Variants in TUBGCP4 observed in about 807,000 individuals in gnomAD.
TUBGCP4 encodes the protein tubulin gamma complex component 4, also known as gamma-tubulin complex component 4.
TUBGCP4 carries 54 observed loss-of-function variants against 91.6 expected under a neutral mutation model. The ratio of observed to expected loss-of-function variants is 0.59; its 90% CI spans 0.47 to 0.74. The LOEUF is 0.74. TUBGCP4 is among the 30% of genes least tolerant of loss of function. The probability of loss-of-function intolerance (pLI) is 0.00; values close to 1 mark genes in which losing one functional copy is unlikely to be tolerated. For missense variants in TUBGCP4, 593 were observed against 800.9 expected (o/e 0.74, Z 3.13); for synonymous variants, 297 against 302.8 (o/e 0.98, Z 0.20).
At chr15:43,400,946 G>A (rs2044666879) in intron 14 of TUBGCP4, among the ~76,000 whole-genome samples, 1 of 151,600 alleles carries the variant, frequency 6.6e-6, no homozygotes, top group Admixed American at 6.6e-5. Flanking sequence ...GGCTTCAAAT[G>A]ATCCTCCTGC....
At chr15:43,393,014 T>A (rs1057266946) in intron 9 of TUBGCP4, among the ~76,000 whole-genome samples, 11 of 152,182 alleles carry the variant, frequency 7.2e-5, no homozygotes, top group Non-Finnish European at 1.3e-4. Flanking sequence ...CTAGAGTTGA[T>A]AAAAATGAAA....
At chr15:43,377,989 CCCTAGTTTTTAGTAGTTTTTATTTATT>C in intron 5 of TUBGCP4, 86 bp downstream of exon 5, 1 of 1,070,782 alleles carries the variant, frequency 9.3e-7, no homozygotes, top group South Asian at 1.5e-5. Context: ...TTTTCGAAGA[CCCTAGTTTTTAGTAGTTTTTATTTATT>C]CATTCATTTA....
chr15:43,406,841 C>T lies in TUBGCP4; in HGVS notation c.*1627C>T, dbSNP rs936567899. 4 of 321,886 alleles carry T rather than the reference C, an allele frequency of 1.2e-5. No individual in the cohort carries two copies. The highest frequency in any genetic ancestry group is 8.0e-5 in the Admixed American group (2 of 24,866). 19.9% of individuals were successfully genotyped at this position (321,886 alleles called of 1,614,324 possible). A position where few individuals can be genotyped will look rare whatever the true frequency, so the allele number is the denominator to read the frequency against. On this transcript the variant is annotated 3_prime_UTR_variant, in exon 18 of 18. Coordinates refer to ENST00000564079, the MANE Select transcript of TUBGCP4 (RefSeq NM_014444.5). ...GTCCCTTCATGGCAGTTGGTCCTTT[C>T]GTTCTCCCTTTAGCTCTAAGAGTTG...
At chr15:43,388,542 A>G (rs2142828754) in intron 9 of TUBGCP4, among the ~76,000 whole-genome samples, 1 of 152,340 alleles carries the variant, frequency 6.6e-6, no homozygotes, top group South Asian at 2.1e-4. Context: ...AGGGGTTGGT[A>G]TCAGTTCCTT....
rs1595508377 is a variant in TUBGCP4 at position 43,405,614 on chromosome 15, A to C, written c.*400A>C. 2 of 179,238 alleles carry C rather than the reference A, an allele frequency of 1.1e-5. No homozygotes were observed. Among genetic ancestry groups the C allele is most frequent in the Non-Finnish European group, 2.3e-5 (2 of 85,632 alleles). 11.1% of individuals were successfully genotyped at this position (179,238 alleles called of 1,614,324 possible). ...CATATGTGAAAAAGTAATTATGTTT[A>C]TAAATAGACTAACTGCTGGATGTTA... On this transcript the variant is annotated 3_prime_UTR_variant, in exon 18 of 18. Coordinates refer to ENST00000564079, the MANE Select transcript of TUBGCP4 (RefSeq NM_014444.5).
At chr15:43,401,875 C>CA in intron 15 of TUBGCP4, 25 bp downstream of exon 15, 2 of 1,613,018 alleles carry the variant, frequency 1.2e-6, no homozygotes, top group Admixed American at 3.3e-5. Context: ...TTGGTTTCCT[C>CA]AGACTGCTTC....
intron 9 of TUBGCP4, among the ~76,000 whole-genome samples, chr15:43,387,945 T>A (rs1351068872): frequency 1.3e-4 from 20 of 151,976 alleles, no homozygotes; most frequent in Admixed American, 1.3e-3. Flanking sequence ...GCCTCCCGGG[T>A]TGAAGCAATT....
At chr15:43,385,056 C>T (rs1230828311) in intron 7 of TUBGCP4, among the ~76,000 whole-genome samples, 1 of 151,984 alleles carries the variant, frequency 6.6e-6, no homozygotes, top group Non-Finnish European at 1.5e-5. Flanking sequence ...CAAGTAGTGA[C>T]GATAGGGGTG....
chr15:43,374,777 C>T (rs1001080196), intron 1 of TUBGCP4, among the ~76,000 whole-genome samples: 1 of 152,000 alleles, frequency 6.6e-6, no homozygotes, highest in Non-Finnish European at 1.5e-5. Context: ...AGTGCAGGGA[C>T]GAATAGGTAA....
chr15:43,392,119 C>CAT (rs1491116472), intron 9 of TUBGCP4, among the ~76,000 whole-genome samples: 1 of 139,224 alleles, frequency 7.2e-6, no homozygotes, highest in Non-Finnish European at 1.6e-5. Flanking sequence ...CACACACACA[C>CAT]ATATTTTTTT....
rs534454524 is a variant in TUBGCP4 at position 43,397,870 on chromosome 15, C to T, written c.1280-171C>T. ...GGGACTACAAGTGCGTGCCACCATG[C>T]CCAGCTAATTTATGTATTTTTAGTA... is the stretch of plus-strand genomic sequence containing the variant. On this transcript the variant is annotated intron_variant, in intron 12 of 17. Coordinates refer to ENST00000564079, the MANE Select transcript of TUBGCP4 (RefSeq NM_014444.5). 1.2e-3 allele frequency among the ~76,000 whole-genome samples: 177 copies of T among 152,232 alleles called. 1 individual carries two copies. The highest frequency in any genetic ancestry group is 4.2e-3 in the African/African-American group (174 of 41,540).
intron 17 of TUBGCP4, 160 bp from the exon 18 acceptor site, chr15:43,405,041 CA>C (rs1595507217): frequency 1.3e-6 from 1 of 746,834 alleles, no homozygotes; most frequent in Non-Finnish European, 2.2e-6. Context: ...AAAATGTCTG[CA>C]AGCAGATTTT....
chr15:43,399,175 G>C, intron 13 of TUBGCP4: 1 of 1,233,366 alleles, frequency 8.1e-7, no homozygotes, highest in Non-Finnish European at 1.0e-6. Context: ...CTACAAACAG[G>C]TAAATAAATC....
At chr15:43,389,453 C>T (rs548183513) in intron 9 of TUBGCP4, among the ~76,000 whole-genome samples, 4 of 152,154 alleles carry the variant, frequency 2.6e-5, no homozygotes, top group East Asian at 3.9e-4. Context: ...TTGAACTCCT[C>T]GGCTCAGGTG....
chr15:43,380,460 C>T (rs2044270410), intron 6 of TUBGCP4, among the ~76,000 whole-genome samples: 1 of 152,308 alleles, frequency 6.6e-6, no homozygotes, highest in Admixed American at 6.5e-5. Flanking sequence ...TTACATGTGC[C>T]AGATGTTGCT....
chr15:43,406,341 TAC>T lies in TUBGCP4; in HGVS notation c.*1134_*1135del. On this transcript the variant is annotated 3_prime_UTR_variant, in exon 18 of 18. Transcript: ENST00000564079. Reference sequence around the variant, plus strand: ...ATCTGGTTTTCATCACTACATATTCTACACACACTGGGAAGCTCTGACAACTT... The same window carrying T: ...ATCTGGTTTTCATCACTACATATTCTACACACTGGGAAGCTCTGACAACTT... 3.3e-6 allele frequency: 1 copy of T among 306,372 alleles called. No individual in the cohort carries two copies. Among genetic ancestry groups the T allele is most frequent in the Non-Finnish European group, 6.5e-6 (1 of 154,516 alleles). The allele number at this position is 306,372 out of a possible 1,614,324, so 19.0% of individuals were successfully genotyped here.
At chr15:43,389,294 C>A (rs2044429835) in intron 9 of TUBGCP4, among the ~76,000 whole-genome samples, 1 of 152,182 alleles carries the variant, frequency 6.6e-6, no homozygotes, top group South Asian at 2.1e-4. Context: ...TTATAACTTG[C>A]AACGTGTTGA....
Position 43,393,570 on chromosome 15 carries a change from A to G in TUBGCP4, c.1015-1537A>G, listed in dbSNP as rs146783977. On this transcript the variant is annotated intron_variant, in intron 9 of 17. Transcript: ENST00000564079. ...ATTAACTCGTTATTTAGCATTAGGT[A>G]TATCTCCTAATGCTATCCCTCCCCG... is the stretch of plus-strand genomic sequence containing the variant. 1.4e-3 allele frequency among the ~76,000 whole-genome samples: 209 copies of G among 151,988 alleles called. 6 individuals are homozygous for G. In the East Asian group the frequency reaches 0.037, roughly 27 times the overall value.
chr15:43,407,680 C>T lies in TUBGCP4; in HGVS notation c.*2466C>T, dbSNP rs984578259. ...CATCCCACTCTGCACAAACCAAAGC[C>T]CTATTATGTCAAACACACTGCTACT... On this transcript the variant is annotated 3_prime_UTR_variant, in exon 18 of 18. Coordinates refer to ENST00000564079, the MANE Select transcript of TUBGCP4 (RefSeq NM_014444.5). 1.1e-5 allele frequency: 12 copies of T among 1,075,770 alleles called. No individual in the cohort carries two copies. In the African/African-American group the frequency reaches 1.9e-4, roughly 17 times the overall value. 66.6% of individuals were successfully genotyped at this position (1,075,770 alleles called of 1,614,324 possible). A position where few individuals can be genotyped will look rare whatever the true frequency, so the allele number is the denominator to read the frequency against.
Sources: gnomAD v4.1 joint callset for allele counts (sites outside exome capture counted in the v4.1 genomes callset) on GRCh38, gnomAD v4.1.1 for gene constraint, MANE v1.5 for transcripts, NCBI Gene and HGNC (gene_info 2026-07-23, HGNC 2026-07-21) for gene names.